SMYD2: variants seen among roughly 807,000 people sequenced by gnomAD.
SMYD2 encodes the protein SET and MYND domain containing 2, also known as N-lysine methyltransferase SMYD2.
A neutral mutation model predicts 59.1 loss-of-function variants in SMYD2; 53 were observed. The observed-to-expected ratio is 0.90, with a 90% CI of 0.72 to 1.13. The LOEUF is 1.13. Ranked by LOEUF, SMYD2 falls within the 50% of genes most tolerant of loss-of-function variation. The pLI is 0.00. For missense variants in SMYD2, 494 were observed against 544.7 expected (o/e 0.91, Z 0.93); for synonymous variants, 208 against 198.8 (o/e 1.05, Z -0.39).
At position 214,304,558 on chromosome 1, in the gene SMYD2, C is replaced by CAAAAAAAAAAA. The variant is rs56254326; in HGVS notation, c.174-615_174-605dup. On this transcript the variant is annotated intron_variant, in intron 1 of 11. Coordinates refer to ENST00000366957, the MANE Select transcript of SMYD2 (RefSeq NM_020197.3). ...TGGGTGACAGAGTGAGACCCTATCT[C>CAAAAAAAAAAA]AAAAAAAAAAAAAAAAAAAAAAAAG... is the stretch of plus-strand genomic sequence containing the variant. Among the ~76,000 whole-genome samples the CAAAAAAAAAAA allele has an allele frequency of 2.3e-4, 11 of 48,020 alleles. 3 individuals are homozygous for CAAAAAAAAAAA. The highest frequency in any genetic ancestry group is 9.8e-4 in the African/African-American group (11 of 11,252). 31.5% of individuals were successfully genotyped at this position (48,020 alleles called of 152,430 possible). A position where few individuals can be genotyped will look rare whatever the true frequency, so the allele number is the denominator to read the frequency against.
chr1:214,319,496 G>T (rs1237398573), intron 5 of SMYD2, among the ~76,000 whole-genome samples: 1 of 152,176 alleles, frequency 6.6e-6, no homozygotes, highest in Non-Finnish European at 1.5e-5. Context: ...TGGTGGCTAA[G>T]AAATCTTGTT....
chr1:214,328,673 G>A (rs1329978198), intron 7 of SMYD2, among the ~76,000 whole-genome samples: 2 of 152,188 alleles, frequency 1.3e-5, no homozygotes, highest in South Asian at 2.1e-4. Context: ...AACTGTCAGC[G>A]TGCTGAATGA....
Position 214,314,873 on chromosome 1 carries a change from G to T in SMYD2, c.348+1G>T. 2 of 1,607,162 alleles carry T rather than the reference G, an allele frequency of 1.2e-6. No individual in the cohort carries two copies. Among genetic ancestry groups the T allele is most frequent in the Non-Finnish European group, 1.7e-6 (2 of 1,173,986 alleles). On this transcript the variant is annotated splice_donor_variant, in intron 3 of 11. Coordinates refer to ENST00000366957, the MANE Select transcript of SMYD2 (RefSeq NM_020197.3). LOFTEE classifies it high-confidence loss of function. ...AACAGCAAGGATTCTGGCCAAACAG[G>T]TGAGGAAATGGGACAATGTTCAAGT...
At position 214,318,841 on chromosome 1, in the gene SMYD2, T is replaced by C. The variant is rs1331441297; in HGVS notation, c.410-18T>C. 1.9e-6 allele frequency: 3 copies of C among 1,612,878 alleles called. No individual in the cohort carries two copies. Among genetic ancestry groups the C allele is most frequent in the East Asian group, 2.2e-5 (1 of 44,830 alleles). ...CCCACGCTTTCTACTGGGTGAATAA[T>C]GGATTATTTATCCACAGATCTGGAT... is the stretch of plus-strand genomic sequence containing the variant. On this transcript the variant is annotated intron_variant, in intron 4 of 11. Coordinates refer to ENST00000366957, the MANE Select transcript of SMYD2 (RefSeq NM_020197.3). This position sits in a 1 kb window ranked among gnomAD's most constrained non-coding sequence, Gnocchi z 5.4.
chr1:214,299,092 A>G (rs1256621563), intron 1 of SMYD2, among the ~76,000 whole-genome samples: 1 of 152,160 alleles, frequency 6.6e-6, no homozygotes, highest in East Asian at 1.9e-4. Context: ...TTGAGGCTGC[A>G]GCCATAATTA....
At position 214,281,187 on chromosome 1, in the gene SMYD2, C is replaced by T. The variant is rs942386654; in HGVS notation, c.-68C>T. The T allele has an allele frequency of 1.8e-6, 2 of 1,140,486 alleles. No homozygotes were observed. Among genetic ancestry groups the T allele is most frequent in the African/African-American group, 3.2e-5 (2 of 61,676 alleles). The allele number at this position is 1,140,486 out of a possible 1,614,324, so 70.6% of individuals were successfully genotyped here. A position where few individuals can be genotyped will look rare whatever the true frequency, so the allele number is the denominator to read the frequency against. On this transcript the variant is annotated 5_prime_UTR_variant, in exon 1 of 12. Transcript: ENST00000366957. ...CCGCCCCCCGCAGCTCTAGGTGACGCGTCTCCAATAACAGCTCGCCGGGAG... is the reference window on the plus strand; with the variant it reads ...CCGCCCCCCGCAGCTCTAGGTGACGTGTCTCCAATAACAGCTCGCCGGGAG...
chr1:214,327,593 A>T, intron 6 of SMYD2, 29 bp from the exon 7 acceptor site: 1 of 1,597,282 alleles, frequency 6.3e-7, no homozygotes, highest in East Asian at 2.2e-5. Context: ...TCTCATTTTA[A>T]AAACTGGGTT....
chr1:214,330,266 C>T lies in SMYD2; in HGVS notation c.804C>T (p.Thr268=). The change falls in exon 8 of 12, where the codon ACC becomes ACT. Residue 268 remains threonine, a synonymous_variant. Coordinates refer to ENST00000366957, the MANE Select transcript of SMYD2 (RefSeq NM_020197.3). ...YFFTCECQEC[T]TKDKDKAKVE... ...TTACCTGTGAGTGCCAGGAGTGTACCACCAAGGACAAGGTAAGGTTGTTCA... is the reference window on the plus strand; with the variant it reads ...TTACCTGTGAGTGCCAGGAGTGTACTACCAAGGACAAGGTAAGGTTGTTCA... The T allele has an allele frequency of 6.2e-7, 1 of 1,610,584 alleles. No homozygotes were observed. The highest frequency in any genetic ancestry group is 8.5e-7 in the Non-Finnish European group (1 of 1,177,426).
At chr1:214,302,488 A>T (rs777021354) in intron 1 of SMYD2, among the ~76,000 whole-genome samples, 2 of 152,126 alleles carry the variant, frequency 1.3e-5, no homozygotes, top group Admixed American at 6.5e-5. Flanking sequence ...AAATAATCTG[A>T]ATTCTGTCTC....
At position 214,333,901 on chromosome 1, in the gene SMYD2, T is replaced by C. The variant is rs150888683; in HGVS notation, c.1113-299T>C. ...TCTTCCTCTGGGTATGTCTGAAATA[T>C]AAAAATCTGGACTGGGATTGAAGAT... On this transcript the variant is annotated intron_variant, in intron 10 of 11. Transcript: ENST00000366957. 9.0e-5 allele frequency: 22 copies of C among 243,606 alleles called. No homozygotes were observed. The East Asian group carries it at 1.6e-3, about 18-fold the overall frequency. The allele number at this position is 243,606 out of a possible 1,614,324, so 15.1% of individuals were successfully genotyped here.
chr1:214,281,509 T>G, intron 1 of SMYD2, 82 bp downstream of exon 1: 2 of 970,640 alleles, frequency 2.1e-6, no homozygotes, highest in Non-Finnish European at 2.5e-6. Flanking sequence ...AGGAAGTGCG[T>G]GCGGCTCGCG....
intron 1 of SMYD2, among the ~76,000 whole-genome samples, chr1:214,303,352 C>T (rs1425358867): frequency 2.0e-5 from 3 of 152,102 alleles, no homozygotes; most frequent in Non-Finnish European, 2.9e-5. Flanking sequence ...GTCACTTCAC[C>T]GTGATTTTTT....
At chr1:214,300,972 A>G (rs1383444684) in intron 1 of SMYD2, among the ~76,000 whole-genome samples, 2 of 152,238 alleles carry the variant, frequency 1.3e-5, no homozygotes, top group Non-Finnish European at 2.9e-5. Context: ...TATGTATCAT[A>G]TGTCAAGTTA....
intron 2 of SMYD2, among the ~76,000 whole-genome samples, chr1:214,313,500 A>T (rs1657032229): frequency 6.6e-6 from 1 of 150,726 alleles, no homozygotes; most frequent in Admixed American, 6.6e-5. Flanking sequence ...ACGTGCTCTG[A>T]TATTTCCCAT....
intron 3 of SMYD2, among the ~76,000 whole-genome samples, chr1:214,315,114 C>T (rs1408875566): frequency 6.6e-6 from 1 of 152,172 alleles, no homozygotes; most frequent in Non-Finnish European, 1.5e-5. Flanking sequence ...CTCTGAAATT[C>T]TGAGCTGTTT....
chr1:214,302,782 T>G (rs1180013455), intron 1 of SMYD2, among the ~76,000 whole-genome samples: 1 of 152,222 alleles, frequency 6.6e-6, no homozygotes. Context: ...ACGTGGAGAC[T>G]GCAAACAAGT....
At chr1:214,321,808 TGTTTCTTAACATGCAA>T (rs1657176636) in intron 5 of SMYD2, among the ~76,000 whole-genome samples, 1 of 152,368 alleles carries the variant, frequency 6.6e-6, no homozygotes, top group South Asian at 2.1e-4. Flanking sequence ...GGACCATGCA[TGTTTCTTAACATGCAA>T]GTTCACTTTT....
intron 2 of SMYD2, among the ~76,000 whole-genome samples, chr1:214,313,920 T>C (rs1015554404): frequency 6.6e-6 from 1 of 152,150 alleles, no homozygotes; most frequent in African/African-American, 2.4e-5. Flanking sequence ...GGCTCACGCC[T>C]GTAATCCCTG....
At chr1:214,298,345 A>G (rs1656766243) in intron 1 of SMYD2, among the ~76,000 whole-genome samples, 1 of 152,250 alleles carries the variant, frequency 6.6e-6, no homozygotes, top group South Asian at 2.1e-4. Context: ...ATGACTGGCT[A>G]GCCATATGCA....
Sources: gnomAD v4.1 joint callset for allele counts (sites outside exome capture counted in the v4.1 genomes callset) on GRCh38, gnomAD v4.1.1 for gene constraint, Gnocchi (gnomAD v3.1) non-coding constraint, MANE v1.5 for transcripts, NCBI Gene and HGNC (gene_info 2026-07-23, HGNC 2026-07-21) for gene names.